Variants in PCDHA8 observed in about 807,000 individuals in gnomAD.
The protein encoded by PCDHA8 is protocadherin alpha-8.
In PCDHA8, 53 loss-of-function variants were observed where a neutral mutation model predicts 61.8. That is an observed-to-expected ratio of 0.86 (90% CI 0.69 to 1.08). The LOEUF is 1.08. Ranked by LOEUF, PCDHA8 falls within the 50% of genes least tolerant of loss-of-function variation. The pLI is 0.00. For missense variants in PCDHA8, 1,293 were observed against 1,245.0 expected (o/e 1.04, Z -0.58); for synonymous variants, 618 against 556.6 (o/e 1.11, Z -1.55).
intron 1 of PCDHA8, among the ~76,000 whole-genome samples, chr5:140,872,147 A>G (rs182622131): frequency 6.6e-6 from 1 of 152,118 alleles, no homozygotes; most frequent in East Asian, 1.9e-4. Flanking sequence ...CTCCATTAGT[A>G]TGACATGATT....
Position 140,862,950 on chromosome 5 carries a change from G to T in PCDHA8, c.2394+19235G>T, listed in dbSNP as rs559605019. The T allele has an allele frequency of 5.5e-6, 3 of 541,462 alleles. No homozygotes were observed. The East Asian group carries it at 1.4e-4, about 26-fold the overall frequency. 33.5% of individuals were successfully genotyped at this position (541,462 alleles called of 1,614,324 possible). A position where few individuals can be genotyped will look rare whatever the true frequency, so the allele number is the denominator to read the frequency against. ...GGCGGCGCTGTGAGTGAGCTGGTGC[G>T]GTATTCAGTGGATGCAGGCCACTTG... On this transcript the variant is annotated intron_variant, in intron 1 of 3. Coordinates refer to ENST00000531613, the MANE Select transcript of PCDHA8 (RefSeq NM_018911.3).
At chr5:140,989,329 C>A (rs1554250749) in intron 3 of PCDHA8, among the ~76,000 whole-genome samples, 2 of 152,120 alleles carry the variant, frequency 1.3e-5, no homozygotes, top group African/African-American at 4.8e-5. Context: ...AACTTTGCCA[C>A]CTGACTCAGC....
intron 1 of PCDHA8, chr5:140,883,598 G>T (rs782009650): frequency 1.2e-6 from 2 of 1,614,008 alleles, no homozygotes; most frequent in Middle Eastern, 1.7e-4. Flanking sequence ...CGTGTCGGTG[G>T]GGGTGGCCGA....
intron 1 of PCDHA8, among the ~76,000 whole-genome samples, chr5:140,872,191 T>A (rs1168972133): frequency 1.3e-5 from 2 of 152,162 alleles, no homozygotes; most frequent in Non-Finnish European, 1.5e-5. Flanking sequence ...GTGTTAAACG[T>A]TCATCATAAA....
intron 1 of PCDHA8, chr5:140,966,362 A>C: frequency 2.5e-6 from 1 of 400,494 alleles, no homozygotes; most frequent in Non-Finnish European, 4.4e-6. Flanking sequence ...GGGGCTGGAG[A>C]GGCTGAGCAG....
intron 1 of PCDHA8, among the ~76,000 whole-genome samples, chr5:140,959,712 T>A (rs166567): frequency 0.25 from 37,822 of 152,086 alleles, 5,932 homozygotes; most frequent in African/African-American, 0.45. Flanking sequence ...AAAGGGAAAA[T>A]TTTTAGATAA....
chr5:140,916,584 G>T (rs1257440146), intron 1 of PCDHA8, among the ~76,000 whole-genome samples: 1 of 152,186 alleles, frequency 6.6e-6, no homozygotes, highest in Non-Finnish European at 1.5e-5. Flanking sequence ...TGTCATCCAT[G>T]AGCTAGGGCC....
At chr5:140,929,148 G>A in intron 1 of PCDHA8, 1 of 1,614,190 alleles carries the variant, frequency 6.2e-7, no homozygotes, top group Middle Eastern at 1.6e-4. Flanking sequence ...GACTTTCTCA[G>A]ACTTATCTCT....
chr5:140,871,004 G>A, intron 1 of PCDHA8: 1 of 1,613,408 alleles, frequency 6.2e-7, no homozygotes, highest in Non-Finnish European at 8.5e-7. Context: ...AGCACAACGC[G>A]TGCCCTGGAC....
At chr5:140,851,302 A>G (rs2042019677) in intron 1 of PCDHA8, 4 of 1,013,018 alleles carry the variant, frequency 3.9e-6, no homozygotes, top group Non-Finnish European at 3.7e-6. Context: ...AAAAATATAT[A>G]GCAATTGTTA....
intron 1 of PCDHA8, among the ~76,000 whole-genome samples, chr5:140,969,974 A>G (rs11750201): frequency 0.017 from 2,514 of 152,228 alleles, 25 homozygotes; most frequent in Middle Eastern, 0.037. Flanking sequence ...TGATGTGGCA[A>G]CTCTTCTGTA....
At chr5:140,850,186 C>A (rs2150472009) in intron 1 of PCDHA8, 4 of 1,593,728 alleles carry the variant, frequency 2.5e-6, no homozygotes, top group East Asian at 4.5e-5. Flanking sequence ...AATGCGCCGG[C>A]GCTGCTGACA....
intron 3 of PCDHA8, among the ~76,000 whole-genome samples, chr5:141,008,072 T>C (rs1419103459): frequency 2.0e-5 from 3 of 152,272 alleles, no homozygotes; most frequent in Admixed American, 6.5e-5. Context: ...TAAGAACTTA[T>C]TGGGGTTATT....
intron 1 of PCDHA8, among the ~76,000 whole-genome samples, chr5:140,885,621 T>G (rs528108703): frequency 1.3e-5 from 2 of 152,188 alleles, no homozygotes; most frequent in Non-Finnish European, 2.9e-5. Context: ...ATAAAATATG[T>G]CACTGGATTG....
At chr5:140,899,518 C>T (rs546972156) in intron 1 of PCDHA8, among the ~76,000 whole-genome samples, 145 of 152,230 alleles carry the variant, frequency 9.5e-4, no homozygotes, top group African/African-American at 2.6e-3. Context: ...TATTGCATCC[C>T]AGGGATGAAG....
chr5:140,856,767 T>A, intron 1 of PCDHA8: 1 of 1,596,922 alleles, frequency 6.3e-7, no homozygotes, highest in Non-Finnish European at 8.6e-7. Context: ...AACGCCCCTA[T>A]CTTTGACAGA....
chr5:140,882,283 G>A (rs1554173377), intron 1 of PCDHA8: 2 of 1,612,834 alleles, frequency 1.2e-6, no homozygotes, highest in South Asian at 1.1e-5. Flanking sequence ...TGTCTTCCTG[G>A]CAAGGAGGCC....
At chr5:140,965,716 C>T (rs75761543) in intron 1 of PCDHA8, among the ~76,000 whole-genome samples, 2,507 of 152,272 alleles carry the variant, frequency 0.016, 70 homozygotes, top group African/African-American at 0.056. Flanking sequence ...AGAAGAATCT[C>T]TTTAAAAATT....
At chr5:140,851,673 T>C (rs2042127540) in intron 1 of PCDHA8, 1 of 917,738 alleles carries the variant, frequency 1.1e-6, no homozygotes, top group Non-Finnish European at 1.3e-6. Flanking sequence ...TAATTGAAAT[T>C]TTCTCCATTC....
Sources: gnomAD v4.1 joint callset for allele counts (sites outside exome capture counted in the v4.1 genomes callset) on GRCh38, gnomAD v4.1.1 for gene constraint, MANE v1.5 for transcripts, NCBI Gene and HGNC (gene_info 2026-07-23, HGNC 2026-07-21) for gene names.